The following FBLN1 variants were observed in gnomAD, a reference collection of about 807,000 sequenced individuals.
FBLN1 encodes fibulin-1.
Under a neutral mutation model 89.7 loss-of-function variants are expected in FBLN1, and 34 were observed. The ratio of observed to expected loss-of-function variants is 0.38; its 90% CI spans 0.29 to 0.50. The LOEUF (loss-of-function observed/expected upper bound fraction) is 0.50, where lower values mean the gene tolerates loss of function less well. FBLN1 is among the 20% of genes least tolerant of loss of function. The pLI is 0.92. For synonymous variants in FBLN1, 393 were observed against 391.3 expected (o/e 1.00, Z -0.05); for missense variants, 777 against 988.1 (o/e 0.79, Z 2.86).
At chr22:45,505,929 C>T (rs756264900) in intron 1 of FBLN1, among the ~76,000 whole-genome samples, 14 of 152,182 alleles carry the variant, frequency 9.2e-5, no homozygotes, top group Non-Finnish European at 8.8e-5. Context: ...CCATCACGCC[C>T]AGCTAATTTT....
intron 14 of FBLN1, chr22:45,564,795 GTC>G: frequency 6.6e-7 from 1 of 1,509,852 alleles, no homozygotes; most frequent in Non-Finnish European, 9.1e-7. Context: ...CTCTGTCAAT[GTC>G]TGTTCAGGGA....
chr22:45,533,910 G>T lies in FBLN1; in HGVS notation c.784+12G>T. 1 of 1,613,652 alleles carries T rather than the reference G, an allele frequency of 6.2e-7. No homozygotes were observed. The highest frequency in any genetic ancestry group is 8.5e-7 in the Non-Finnish European group (1 of 1,179,924). ...CAATAGCTGCAAAGGTACAGCATGC[G>T]CTCCGAGTCTGCAAACCTGGTCTTC... On this transcript the variant is annotated intron_variant, in intron 7 of 16. Transcript: ENST00000327858.
chr22:45,542,493 T>G (rs1244436370), intron 10 of FBLN1, among the ~76,000 whole-genome samples: 1 of 152,178 alleles, frequency 6.6e-6, no homozygotes, highest in African/African-American at 2.4e-5. Context: ...ACCACCCCCC[T>G]GTGTGTGAGC....
chr22:45,507,340 A>G (rs1325751466), intron 1 of FBLN1, among the ~76,000 whole-genome samples: 1 of 152,176 alleles, frequency 6.6e-6, no homozygotes, highest in East Asian at 1.9e-4. Context: ...GTTGGTCCCA[A>G]TTCTGAAAGT....
At chr22:45,524,000 CGCTCTGGCAGTTTA>C (rs1246671131) in intron 2 of FBLN1, among the ~76,000 whole-genome samples, 2 of 152,202 alleles carry the variant, frequency 1.3e-5, no homozygotes, top group Non-Finnish European at 2.9e-5. Context: ...GCTGGTGGCT[CGCTCTGGCAGTTTA>C]GTGAAACGCC....
intron 16 of FBLN1, among the ~76,000 whole-genome samples, chr22:45,596,386 G>T (rs1305579719): frequency 6.6e-6 from 1 of 152,124 alleles, no homozygotes; most frequent in Admixed American, 6.6e-5. Context: ...ACTGACCCCT[G>T]AGGACAGACC....
At chr22:45,594,696 A>ATGGATGGATGGATG (rs1569269676) in intron 16 of FBLN1, among the ~76,000 whole-genome samples, 6 of 143,098 alleles carry the variant, frequency 4.2e-5, no homozygotes, top group African/African-American at 1.6e-4. Context: ...ATTGGTGGAT[A>ATGGATGGATGGATG]GATGGATGGA....
At chr22:45,526,502 G>C (rs2088330229) in intron 3 of FBLN1, among the ~76,000 whole-genome samples, 1 of 152,238 alleles carries the variant, frequency 6.6e-6, no homozygotes, top group Non-Finnish European at 1.5e-5. Context: ...CTGGGCTTCT[G>C]TTGGAGGTGC....
In FBLN1 at chr22:45,528,005, A is replaced by G. The variant is rs2088353629; in HGVS notation, c.480A>G (p.Glu160=). ...TGDLDVGGLQ[E]TDKIIEVEEE... is the part of the protein sequence containing the mutation. ...ATTTGGATGTCGGGGGCCTCCAAGA[A>G]ACGGGTAACTTTCCCCCTTCCTTCC... The change falls in exon 4 of 17, where the codon GAA becomes GAG. Residue 160 remains glutamate (E), a synonymous_variant. Transcript: ENST00000327858. The G allele has an allele frequency of 6.2e-7, 1 of 1,614,100 alleles. No individual in the cohort carries two copies. The highest frequency in any genetic ancestry group is 1.3e-5 in the African/African-American group (1 of 74,948).
chr22:45,543,324 C>T (rs2088582258), intron 10 of FBLN1, 77 bp from the exon 11 acceptor site: 1 of 1,557,260 alleles, frequency 6.4e-7, no homozygotes, highest in Non-Finnish European at 8.8e-7. Flanking sequence ...AGGACATGAG[C>T]TGGCCTTACT....
Position 45,574,569 on chromosome 22 carries a change from G to A in FBLN1, c.1756G>A (p.Val586Ile), listed in dbSNP as rs199578015. ...CATCAAGTCCTGCCGCCCCAACGATGTCACATGCGTGTTCGACCCCGTGCA... is the reference window on the plus strand; with the variant it reads ...CATCAAGTCCTGCCGCCCCAACGATATCACATGCGTGTTCGACCCCGTGCA... ...RCIKSCRPND[V>I]TCVFDPVHTI... The change falls in exon 15 of 17, where the codon GTC (valine) becomes ATC (isoleucine). Residue 586 changes from valine (V) to isoleucine (I), a missense_variant. By Grantham distance (29) the Val-to-Ile change is conservative (BLOSUM62 3). Coordinates refer to ENST00000327858, the MANE Select transcript of FBLN1 (RefSeq NM_006486.3). This position sits in a 1 kb window ranked among gnomAD's most constrained non-coding sequence, Gnocchi z 4.1. The A allele has an allele frequency of 1.2e-6, 2 of 1,614,168 alleles. No homozygotes were observed. The highest frequency in any genetic ancestry group is 1.3e-5 in the African/African-American group (1 of 75,052).
In FBLN1 at chr22:45,557,902, G is replaced by A. The variant is rs1156839203; in HGVS notation, c.1697+7287G>A. Among the ~76,000 whole-genome samples, 2 of 152,200 alleles carry A rather than the reference G, an allele frequency of 1.3e-5. No individual in the cohort carries two copies. The highest frequency in any genetic ancestry group is 1.9e-4 in the East Asian group (1 of 5,192). On this transcript the variant is annotated intron_variant, in intron 14 of 16. Transcript: ENST00000327858. The surrounding 1 kb of genome is among the most constrained non-coding windows in gnomAD (Gnocchi z 4.9). ...TCCTTCCATGCAAAGTGCACAACCAGGTGCATTGCTTGAAGTTCTGCCCAC... is the reference window on the plus strand; with the variant it reads ...TCCTTCCATGCAAAGTGCACAACCAAGTGCATTGCTTGAAGTTCTGCCCAC...
chr22:45,531,007 G>A lies in FBLN1; in HGVS notation c.485-258G>A, dbSNP rs532478998. On this transcript the variant is annotated intron_variant, in intron 4 of 16. Transcript: ENST00000327858. This position sits in a 1 kb window ranked among gnomAD's most constrained non-coding sequence, Gnocchi z 4.9. ...TTGAACTCCTGACCTCAGGTGATCC[G>A]CCTGCCTCGGCCTCCCAAAGTGCTG... 1.3e-5 allele frequency among the ~76,000 whole-genome samples: 2 copies of A among 152,142 alleles called. No homozygotes were observed. The highest frequency in any genetic ancestry group is 2.1e-4 in the South Asian group (1 of 4,806).
chr22:45,597,482 G>A lies in FBLN1; in HGVS notation c.1973-2825G>A, dbSNP rs370011788. Among the ~76,000 whole-genome samples, 4 of 152,266 alleles carry A rather than the reference G, an allele frequency of 2.6e-5. No individual in the cohort carries two copies. In the East Asian group the frequency reaches 5.8e-4, roughly 22 times the overall value. ...AAGTTGGCAGGTCACTGTGGCTAGC[G>A]GGGGCACCATTGTTGGCCTCGGGCC... On this transcript the variant is annotated intron_variant, in intron 16 of 16. Transcript: ENST00000327858. The surrounding 1 kb of genome is among the most constrained non-coding windows in gnomAD (Gnocchi z 4.2).
chr22:45,518,667 C>G lies in FBLN1; in HGVS notation c.80-15C>G, dbSNP rs1219307742. 2 of 1,584,472 alleles carry G rather than the reference C, an allele frequency of 1.3e-6. No homozygotes were observed. On this transcript the variant is annotated splice_polypyrimidine_tract_variant and intron_variant, in intron 1 of 16. Transcript: ENST00000327858. ...GTGGTGAGCCACCTCTCAGCTTGTT[C>G]TCTTCCCTGCACAGTGGACGCGGAT... is the stretch of plus-strand genomic sequence containing the variant.
Position 45,518,642 on chromosome 22 carries a change from G to A in FBLN1, c.80-40G>A, listed in dbSNP as rs375232977. 1.7e-4 allele frequency: 263 copies of A among 1,504,808 alleles called. 1 individual carries two copies. Among genetic ancestry groups the A allele is most frequent in the Admixed American group, 4.7e-4 (25 of 52,690 alleles). 93.2% of individuals were successfully genotyped at this position (1,504,808 alleles called of 1,614,324 possible). On this transcript the variant is annotated intron_variant, in intron 1 of 16. Coordinates refer to ENST00000327858, the MANE Select transcript of FBLN1 (RefSeq NM_006486.3). Reference sequence around the variant, plus strand: ...TCTGGGAGGGCCCTCCACCCGCTGAGTGGTGAGCCACCTCTCAGCTTGTTC... The same window carrying A: ...TCTGGGAGGGCCCTCCACCCGCTGAATGGTGAGCCACCTCTCAGCTTGTTC...
chr22:45,597,010 C>CT lies in FBLN1; in HGVS notation c.1973-3288dup, dbSNP rs34131999. 5.3e-5 allele frequency among the ~76,000 whole-genome samples: 8 copies of CT among 149,558 alleles called. No homozygotes were observed. The highest frequency in any genetic ancestry group is 7.4e-5 in the Non-Finnish European group (5 of 67,386). On this transcript the variant is annotated intron_variant, in intron 16 of 16. Transcript: ENST00000327858. The surrounding 1 kb of genome is among the most constrained non-coding windows in gnomAD (Gnocchi z 4.2). Reference sequence around the variant, plus strand: ...ATATAATAATAACAGAAATAGATCTCTTTTTTTTTGGGACAGGATCTTGCT... The same window carrying CT: ...ATATAATAATAACAGAAATAGATCTCTTTTTTTTTTGGGACAGGATCTTGCT...
At chr22:45,571,131 A>G (rs1166836458) in intron 14 of FBLN1, among the ~76,000 whole-genome samples, 5 of 150,924 alleles carry the variant, frequency 3.3e-5, no homozygotes, top group Admixed American at 6.6e-5. Context: ...AAAAAAAAAA[A>G]AAAAAGAAAG....
rs990327912 is a variant in FBLN1 at position 45,529,879 on chromosome 22, AAAAT to A, written c.485-1378_485-1375del. Among the ~76,000 whole-genome samples the A allele has an allele frequency of 7.2e-5, 11 of 152,058 alleles. No homozygotes were observed. The South Asian group carries it at 8.3e-4, about 11-fold the overall frequency. On this transcript the variant is annotated intron_variant, in intron 4 of 16. Coordinates refer to ENST00000327858, the MANE Select transcript of FBLN1 (RefSeq NM_006486.3). ...GAGACTCAGTCTCAAAAAAAATAAT[AAAAT>A]AAATAAAGAGGTGGGGAGGTGCCGG...
Sources: gnomAD v4.1 joint callset for allele counts (sites outside exome capture counted in the v4.1 genomes callset) on GRCh38, gnomAD v4.1.1 for gene constraint, Gnocchi (gnomAD v3.1) non-coding constraint, MANE v1.5 for transcripts, NCBI Gene and HGNC (gene_info 2026-07-23, HGNC 2026-07-21) for gene names.